Variants in RBFOX1 observed in about 807,000 individuals in gnomAD.
RBFOX1 encodes the protein RNA binding protein fox-1 homolog 1.
Under a neutral mutation model 57.7 loss-of-function variants are expected in RBFOX1, and 8 were observed. The observed-to-expected ratio is 0.14, with a 90% CI of 0.08 to 0.25. The LOEUF is 0.25. Among genes scored for constraint, RBFOX1 ranks in the 10% least tolerant of loss-of-function variants. The pLI, the probability that RBFOX1 is intolerant of heterozygous loss-of-function variation, is 1.00. For synonymous variants in RBFOX1, 326 were observed against 222.4 expected (o/e 1.47, Z -4.15); for missense variants, 611 against 548.5 (o/e 1.11, Z -1.14).
intron 3 of RBFOX1, among the ~76,000 whole-genome samples, chr16:6,816,273 C>A (rs368875679): frequency 6.6e-6 from 1 of 152,168 alleles, no homozygotes; most frequent in Non-Finnish European, 1.5e-5. Flanking sequence ...CACACTATTG[C>A]ACTCGCACTT....
chr16:5,955,118 T>TTAAAA (rs2059599305), intron 4 of RBFOX1, among the ~76,000 whole-genome samples: 2 of 14,286 alleles, frequency 1.4e-4, no homozygotes, highest in African/African-American at 7.2e-4. Flanking sequence ...CCATCTCTAC[T>TTAAAA]AAAAAAAAAA....
At chr16:7,310,523 T>A (rs2096283932) in intron 4 of RBFOX1, among the ~76,000 whole-genome samples, 2 of 152,282 alleles carry the variant, frequency 1.3e-5, no homozygotes, top group South Asian at 2.1e-4. Context: ...TTATCAAAAC[T>A]TCATCAAGGG....
intron 2 of RBFOX1, among the ~76,000 whole-genome samples, chr16:6,534,054 C>T (rs553108136): frequency 3.6e-4 from 55 of 151,982 alleles, no homozygotes; most frequent in Non-Finnish European, 6.5e-4. Flanking sequence ...AATATTTTAT[C>T]AAGAGAAATG....
intron 2 of RBFOX1, among the ~76,000 whole-genome samples, chr16:5,534,681 T>G (rs2044626158): frequency 6.6e-6 from 1 of 152,082 alleles, no homozygotes; most frequent in Non-Finnish European, 1.5e-5. Context: ...TGAGGGTGGG[T>G]CTTCCTTTCC....
chr16:7,406,658 A>G (rs545225028), intron 4 of RBFOX1, among the ~76,000 whole-genome samples: 2 of 152,342 alleles, frequency 1.3e-5, no homozygotes, highest in Admixed American at 1.3e-4. Context: ...CACATGGCAG[A>G]TTGTTACCTG....
At chr16:5,727,923 G>T (rs1193736889) in intron 3 of RBFOX1, among the ~76,000 whole-genome samples, 2 of 152,210 alleles carry the variant, frequency 1.3e-5, no homozygotes, top group Non-Finnish European at 2.9e-5. Context: ...CTGGCCTCAA[G>T]TGGTCCTTCC....
rs532421804 is a variant in RBFOX1, at chr16:6,611,883, G to A, written c.-63-42720G>A. Among the ~76,000 whole-genome samples, 5 of 152,124 alleles carry A rather than the reference G, an allele frequency of 3.3e-5. No individual in the cohort carries two copies. In the South Asian group the frequency reaches 8.3e-4, roughly 25 times the overall value. ...ACCATGGCACGTGACCCTGGTTTCTGGTCTCTGAAGACACCTCCTCTTCCC... is the reference window on the plus strand; with the variant it reads ...ACCATGGCACGTGACCCTGGTTTCTAGTCTCTGAAGACACCTCCTCTTCCC... On this transcript the variant is annotated intron_variant, in intron 2 of 15. Transcript: ENST00000550418.
intron 1 of RBFOX1, among the ~76,000 whole-genome samples, chr16:5,315,654 G>T (rs528923956): frequency 2.6e-5 from 4 of 152,308 alleles, no homozygotes; most frequent in South Asian, 2.1e-4. Flanking sequence ...CGTTTGCAAG[G>T]AATTAATTTA....
chr16:7,260,362 G>C (rs192275344), intron 4 of RBFOX1, among the ~76,000 whole-genome samples: 3 of 152,064 alleles, frequency 2.0e-5, no homozygotes, highest in Admixed American at 2.0e-4. Flanking sequence ...ATTAAACGCC[G>C]CTCTTAAAAA....
chr16:7,417,288 A>C (rs1597917364), intron 4 of RBFOX1, among the ~76,000 whole-genome samples: 1 of 149,676 alleles, frequency 6.7e-6, no homozygotes, highest in Admixed American at 6.8e-5. Flanking sequence ...CAGGGGAATC[A>C]CTTGAACCTG....
intron 3 of RBFOX1, among the ~76,000 whole-genome samples, chr16:6,835,304 T>G (rs2093011304): frequency 1.3e-5 from 2 of 152,178 alleles, no homozygotes; most frequent in African/African-American, 4.8e-5. Context: ...TTTGTGAGTT[T>G]CAGTGTCCTA....
chr16:7,322,678 C>G lies in RBFOX1; in HGVS notation c.28-195469C>G, dbSNP rs150673368. 1.5e-4 allele frequency among the ~76,000 whole-genome samples: 23 copies of G among 152,230 alleles called. No homozygotes were observed. In the East Asian group the frequency reaches 4.1e-3, roughly 27 times the overall value. The stretch of plus-strand genomic sequence containing the variant: ...TGGTCCAATTTCAGAGTGGTTCATG[C>G]CTCAAAAATAAGATTGAGGAACCGC... On this transcript the variant is annotated intron_variant, in intron 4 of 15. Coordinates refer to ENST00000550418, the MANE Select transcript of RBFOX1 (RefSeq NM_018723.4).
At chr16:5,720,694 G>C (rs2079732) in intron 3 of RBFOX1, among the ~76,000 whole-genome samples, 30,019 of 152,054 alleles carry the variant, frequency 0.2, 4,662 homozygotes, top group African/African-American at 0.42. Flanking sequence ...TTATTCTCTT[G>C]CCCTTGAATG....
rs1480283800 is a variant in RBFOX1 at position 6,574,541 on chromosome 16, G to T, written c.-63-80062G>T. The stretch of plus-strand genomic sequence containing the variant: ...CTTCCAGGGTTCACGCCATTCTCCT[G>T]CCTCAGCCTCCCAAGTAGCTGGGAC... On this transcript the variant is annotated intron_variant, in intron 2 of 15. Coordinates refer to ENST00000550418, the MANE Select transcript of RBFOX1 (RefSeq NM_018723.4). Among the ~76,000 whole-genome samples, 4 of 145,106 alleles carry T rather than the reference G, an allele frequency of 2.8e-5. No homozygotes were observed. The East Asian group carries it at 6.3e-4, about 23-fold the overall frequency.
intron 3 of RBFOX1, among the ~76,000 whole-genome samples, chr16:7,027,112 A>G (rs1025603929): frequency 1.3e-5 from 2 of 152,144 alleles, no homozygotes; most frequent in African/African-American, 4.8e-5. Context: ...CGTCTCTCCT[A>G]AACGCTTTCT....
chr16:6,407,627 C>G (rs959483351), intron 2 of RBFOX1, among the ~76,000 whole-genome samples: 1 of 144,282 alleles, frequency 6.9e-6, no homozygotes, highest in African/African-American at 2.6e-5. Flanking sequence ...GGGAACAGAG[C>G]CATAATCAAG....
chr16:7,064,291 C>A (rs2055375283), intron 4 of RBFOX1, among the ~76,000 whole-genome samples: 1 of 150,950 alleles, frequency 6.6e-6, no homozygotes, highest in African/African-American at 2.4e-5. Flanking sequence ...GCCTCAGCCT[C>A]CTGAGTAGCT....
chr16:6,228,416 AAC>A (rs1285915196), intron 1 of RBFOX1, among the ~76,000 whole-genome samples: 3 of 40,486 alleles, frequency 7.4e-5, no homozygotes, highest in South Asian at 3.7e-3. Context: ...GAAAATTTTT[AAC>A]ACACACACAG....
chr16:6,803,086 C>T (rs1417528061), intron 3 of RBFOX1, among the ~76,000 whole-genome samples: 1 of 152,104 alleles, frequency 6.6e-6, no homozygotes, highest in Non-Finnish European at 1.5e-5. Flanking sequence ...GTTTAATTTC[C>T]CCATCACCCA....
Sources: allele counts gnomAD v4.1 joint callset (sites outside exome capture counted in the v4.1 genomes callset), GRCh38; gene constraint gnomAD v4.1.1; transcripts MANE v1.5; gene names NCBI Gene and HGNC (gene_info 2026-07-23, HGNC 2026-07-21).